The following VDAC2 variants were observed in gnomAD, a reference collection of about 807,000 sequenced individuals.
VDAC2 encodes the protein non-selective voltage-gated ion channel VDAC2.
In VDAC2, 6 loss-of-function variants were observed where a neutral mutation model predicts 36.6. That is an observed-to-expected ratio of 0.16 (90% confidence interval 0.09 to 0.32). VDAC2 has a LOEUF of 0.32. Ranked by LOEUF, VDAC2 falls within the 10% of genes least tolerant of loss-of-function variation. VDAC2 has a pLI of 1.00. For missense variants in VDAC2, 247 were observed against 346.0 expected (o/e 0.71, Z 2.27); for synonymous variants, 109 against 123.8 (o/e 0.88, Z 0.79).
chr10:75,221,119 G>C (rs1025182786), intron 7 of VDAC2, 149 bp downstream of exon 7: 4 of 779,852 alleles, frequency 5.1e-6, no homozygotes, highest in Non-Finnish European at 8.1e-6. Flanking sequence ...GGTGCCCCTT[G>C]AAAGTTTATA....
Position 75,229,348 on chromosome 10 carries a change from A to G in VDAC2, c.736-296A>G, listed in dbSNP as rs549781413. ...GGTTTGTTGTGCTAGACTAGAATTA[A>G]CAAAGATGATTTTTATGAGAGTGCT... On this transcript the variant is annotated intron_variant, in intron 8 of 9. Coordinates refer to ENST00000332211, the MANE Select transcript of VDAC2 (RefSeq NM_001391963.1). The G allele has an allele frequency of 2.6e-4, 59 of 223,396 alleles. 1 individual carries two copies. The highest frequency in any genetic ancestry group is 7.9e-5 in the Non-Finnish European group (9 of 114,118). 13.8% of individuals were successfully genotyped at this position (223,396 alleles called of 1,614,324 possible).
intron 7 of VDAC2, 124 bp from the exon 8 acceptor site, chr10:75,222,128 G>C: frequency 9.5e-7 from 1 of 1,057,694 alleles, no homozygotes; most frequent in East Asian, 2.6e-5. Flanking sequence ...CAAGTTTTCA[G>C]TGGAACACTA....
intron 4 of VDAC2, among the ~76,000 whole-genome samples, 191 bp downstream of exon 4, chr10:75,214,261 C>A (rs922956840): frequency 6.6e-6 from 1 of 152,122 alleles, no homozygotes; most frequent in African/African-American, 2.4e-5. Flanking sequence ...TGTGGTCTTT[C>A]GTCATATTAT....
intron 3 of VDAC2, among the ~76,000 whole-genome samples, chr10:75,213,530 G>T (rs1053178819): frequency 6.6e-6 from 1 of 152,072 alleles, no homozygotes; most frequent in African/African-American, 2.4e-5. Flanking sequence ...AGATCACGAG[G>T]TCAGGAGATC....
chr10:75,219,267 CA>C, intron 5 of VDAC2, 36 bp from the exon 6 acceptor site: 1 of 1,559,588 alleles, frequency 6.4e-7, no homozygotes, highest in Non-Finnish European at 8.6e-7. Context: ...TTTTGTATTT[CA>C]AAAAAAGAAA....
Position 75,212,230 on chromosome 10 carries a change from C to T in VDAC2, c.32C>T (p.Pro11Leu). 1 of 1,612,960 alleles carries T rather than the reference C, an allele frequency of 6.2e-7. No individual in the cohort carries two copies. The highest frequency in any genetic ancestry group is 1.1e-5 in the South Asian group (1 of 90,806). The change falls in exon 3 of 10, where the codon CCA becomes CTA. Residue 11 changes from proline to leucine, a missense_variant and splice_region_variant. Physicochemically the swap from Pro to Leu is moderately conservative, Grantham distance 98. Around this residue, in one of 3 missense-constraint regions of VDAC2, gnomAD observed 76 missense variants for 76.9 expected, o/e 0.99. Transcript: ENST00000332211. Reference sequence around the variant, plus strand: ...CACTGGAATGTTTTTTTTCTACCAGCAATGTGTATTCCTCCATCATATGCT... The same window carrying T: ...CACTGGAATGTTTTTTTTCTACCAGTAATGTGTATTCCTCCATCATATGCT... MATHGQTCAR[P>L]MCIPPSYADL... is the part of the protein sequence containing the mutation.
At chr10:75,213,070 A>G (rs528105711) in intron 3 of VDAC2, among the ~76,000 whole-genome samples, 20 of 152,054 alleles carry the variant, frequency 1.3e-4, no homozygotes, top group African/African-American at 4.8e-4. Flanking sequence ...GTATTATGAT[A>G]AGTTGGTTTT....
intron 8 of VDAC2, among the ~76,000 whole-genome samples, chr10:75,228,020 G>A (rs1327255799): frequency 2.6e-5 from 4 of 151,208 alleles, no homozygotes; most frequent in Admixed American, 1.3e-4. Context: ...TTAGCCTCCC[G>A]AGTAGCTGGG....
chr10:75,227,370 C>A (rs987191681), intron 8 of VDAC2, among the ~76,000 whole-genome samples: 1 of 152,052 alleles, frequency 6.6e-6, no homozygotes, highest in Non-Finnish European at 1.5e-5. Flanking sequence ...GAGCCCTGAA[C>A]CTGTGTGATC....
At chr10:75,211,693 T>C (rs974315788) in intron 2 of VDAC2, 1 of 1,549,512 alleles carries the variant, frequency 6.5e-7, no homozygotes, top group Admixed American at 2.0e-5. Flanking sequence ...ATTTAGTTGA[T>C]GTAGACATTT....
chr10:75,215,716 G>C (rs1841582331), intron 4 of VDAC2, among the ~76,000 whole-genome samples: 1 of 147,532 alleles, frequency 6.8e-6, no homozygotes, highest in Non-Finnish European at 1.5e-5. Flanking sequence ...TAGTTTTTTT[G>C]TTTTGTTTTT....
chr10:75,213,503 G>T (rs932435926), intron 3 of VDAC2, among the ~76,000 whole-genome samples: 3 of 152,188 alleles, frequency 2.0e-5, no homozygotes, highest in African/African-American at 7.2e-5. Context: ...CCAGCACTTT[G>T]GGAGGCCGAG....
chr10:75,221,377 CAG>C (rs1841808513), intron 7 of VDAC2, among the ~76,000 whole-genome samples: 1 of 151,710 alleles, frequency 6.6e-6, no homozygotes, highest in Admixed American at 6.6e-5. Flanking sequence ...TTGGTTCAGA[CAG>C]AGTCTTGCTC....
At chr10:75,214,103 C>G (rs777899880) in intron 4 of VDAC2, 33 bp downstream of exon 4, 2 of 1,602,586 alleles carry the variant, frequency 1.2e-6, no homozygotes, top group African/African-American at 1.3e-5. Flanking sequence ...TTCTATTGAA[C>G]CTTTATAATT....
chr10:75,215,235 AT>A (rs1362931546), intron 4 of VDAC2, among the ~76,000 whole-genome samples: 3 of 151,030 alleles, frequency 2.0e-5, no homozygotes, highest in Admixed American at 6.6e-5. Flanking sequence ...ACTTTGTGAA[AT>A]TTTTTTTACT....
chr10:75,226,722 A>G (rs1841963980), intron 8 of VDAC2, among the ~76,000 whole-genome samples: 1 of 152,128 alleles, frequency 6.6e-6, no homozygotes, highest in South Asian at 2.1e-4. Context: ...CTTGGCTCCC[A>G]AAGTGCCGGG....
At chr10:75,219,453 C>A in intron 6 of VDAC2, 97 bp downstream of exon 6, 1 of 1,048,634 alleles carries the variant, frequency 9.5e-7, no homozygotes, top group Non-Finnish European at 1.4e-6. Flanking sequence ...GCTTATTAAG[C>A]TACCTTGTGG....
At chr10:75,212,791 CAA>C (rs1259247211) in intron 3 of VDAC2, among the ~76,000 whole-genome samples, 1 of 152,006 alleles carries the variant, frequency 6.6e-6, no homozygotes, top group Non-Finnish European at 1.5e-5. Flanking sequence ...CCCAATTTCC[CAA>C]AATTTTTAAA....
chr10:75,220,829 C>A lies in VDAC2; in HGVS notation c.443C>A (p.Ala148Glu). The change falls in exon 7 of 10, where the codon GCA becomes GAA. Residue 148 changes from alanine (A) to glutamate (E), a missense_variant. Transcript: ENST00000332211. ...GTTGACTTTGATTTTGCTGGACCTG[C>A]AATCCATGGTTCAGCTGTCTTTGGT... Reference protein sequence around the residue: ...CDVDFDFAGPAIHGSAVFGYE... With the variant: ...CDVDFDFAGPEIHGSAVFGYE... 2 of 1,613,486 alleles carry A rather than the reference C, an allele frequency of 1.2e-6. No individual in the cohort carries two copies. The highest frequency in any genetic ancestry group is 1.7e-6 in the Non-Finnish European group (2 of 1,179,462).
Sources: allele counts gnomAD v4.1 joint callset (sites outside exome capture counted in the v4.1 genomes callset), GRCh38; gene constraint gnomAD v4.1.1; regional missense constraint gnomAD v4.1.1; transcripts MANE v1.5; gene names NCBI Gene and HGNC (gene_info 2026-07-23, HGNC 2026-07-21).